DAB1: variants seen among roughly 807,000 people sequenced by gnomAD.
The protein encoded by DAB1 is disabled homolog 1.
A neutral mutation model predicts 64.6 loss-of-function variants in DAB1; 15 were observed. The ratio of observed to expected loss-of-function variants is 0.23; its 90% confidence interval spans 0.16 to 0.36. The LOEUF (loss-of-function observed/expected upper bound fraction) is 0.36, where lower values mean the gene tolerates loss of function less well. Among genes scored for constraint, DAB1 ranks in the 10% least tolerant of loss-of-function variants. DAB1 has a pLI of 1.00. For synonymous variants in DAB1, 235 were observed against 251.9 expected, an observed-to-expected ratio of 0.93 and a Z score of 0.64; for missense variants, 596 against 706.7, an observed-to-expected ratio of 0.84 and a Z score of 1.78.
In DAB1 at chr1:57,543,347, C is replaced by T. The variant is rs541963232; in HGVS notation, n.625+106245G>A. ...AACCCACTCCTTCCCCTATGTCATG[C>T]TGTTTCTGCAATTTTCCTGAGTGAT... On this transcript the variant is annotated intron_variant and non_coding_transcript_variant, in intron 7 of 20. Transcript: ENST00000485760. Among the ~76,000 whole-genome samples, 5 of 152,250 alleles carry T rather than the reference C, an allele frequency of 3.3e-5. No homozygotes were observed. In the South Asian group the frequency reaches 1.0e-3, roughly 32 times the overall value.
chr1:58,125,385 T>C (rs1652999943), intron 5 of DAB1, among the ~76,000 whole-genome samples: 1 of 152,108 alleles, frequency 6.6e-6, no homozygotes, highest in African/African-American at 2.4e-5. Context: ...TAGAGTACAA[T>C]CATAGTGCTA....
chr1:57,569,256 C>CAA lies in DAB1; in HGVS notation n.625+80334_625+80335dup, dbSNP rs3991203. The stretch of plus-strand genomic sequence containing the variant: ...CCTGGGCGACAGCGAGACTCCGTCT[C>CAA]AAAAAAAAAAAAAAAAAAGACACAT... On this transcript the variant is annotated intron_variant and non_coding_transcript_variant, in intron 7 of 20. Transcript: ENST00000485760. Among the ~76,000 whole-genome samples, 2 of 67,864 alleles carry CAA rather than the reference C, an allele frequency of 2.9e-5. 1 individual carries two copies. The highest frequency in any genetic ancestry group is 5.2e-5 in the Non-Finnish European group (2 of 38,484). The allele number at this position is 67,864 out of a possible 152,430, so 44.5% of individuals were successfully genotyped here.
rs74074396 is a variant in DAB1, at chr1:57,008,770, C to G, written c.*15+1910G>C. 8.2e-3 allele frequency among the ~76,000 whole-genome samples: 1,255 copies of G among 152,232 alleles called. 19 individuals carry two copies. Among genetic ancestry groups the G allele is most frequent in the African/African-American group, 0.029 (1,197 of 41,508 alleles). On this transcript the variant is annotated intron_variant, in intron 14 of 14. Coordinates refer to ENST00000371236, the MANE Select transcript of DAB1 (RefSeq NM_001365792.1). Reference sequence around the variant, plus strand: ...GCTAGATACTCAACATAAACTATCTCAGTTACCATTATGGAGAATATAAGC... The same window carrying G: ...GCTAGATACTCAACATAAACTATCTGAGTTACCATTATGGAGAATATAAGC...
At chr1:57,060,275 C>T (rs796201283) in intron 9 of DAB1, among the ~76,000 whole-genome samples, 17 of 151,996 alleles carry the variant, frequency 1.1e-4, no homozygotes, top group South Asian at 6.2e-4. Flanking sequence ...CTCAGCCTCC[C>T]GAGTAGCTGG....
intron 4 of DAB1, among the ~76,000 whole-genome samples, chr1:58,300,590 AAGAAAGAAAGAAAGAAAGAAAGAG>A (rs1662110336): frequency 6.6e-5 from 2 of 30,222 alleles, no homozygotes; most frequent in African/African-American, 9.6e-5. Context: ...GAAAGAAAGA[AAGAAAGAAAGAAAGAAAGAAAGAG>A]AGAGAGAGAG....
rs142488155 is a variant in DAB1 at position 58,468,929 on chromosome 1, C to T, written n.257+37131G>A. Reference sequence around the variant, plus strand: ...GATCTGAGTGGTACCCCTCCATGGCCGCTACACTGTATATGAGCAGAGATG... The same window carrying T: ...GATCTGAGTGGTACCCCTCCATGGCTGCTACACTGTATATGAGCAGAGATG... On this transcript the variant is annotated intron_variant and non_coding_transcript_variant, in intron 3 of 20. Coordinates refer to the DAB1 transcript ENST00000485760. The T allele has an allele frequency of 7.9e-3, 1,926 of 243,988 alleles. 21 individuals are homozygous for T. Among genetic ancestry groups the T allele is most frequent in the Non-Finnish European group, 0.01 (1,563 of 151,378 alleles). 15.1% of individuals were successfully genotyped at this position (243,988 alleles called of 1,614,324 possible).
chr1:57,652,762 T>C (rs2101657248), intron 6 of DAB1, among the ~76,000 whole-genome samples: 1 of 152,356 alleles, frequency 6.6e-6, no homozygotes, highest in South Asian at 2.1e-4. Flanking sequence ...TTTTGCATTC[T>C]CCATTTTATC....
intron 6 of DAB1, among the ~76,000 whole-genome samples, chr1:57,720,237 G>A (rs1647134302): frequency 1.3e-5 from 2 of 152,166 alleles, no homozygotes; most frequent in African/African-American, 4.8e-5. Flanking sequence ...TTTATTATCA[G>A]TCACACTCTC....
rs566018993 is a variant in DAB1, at chr1:57,143,003, C to A, written c.207+2287G>T. Among the ~76,000 whole-genome samples, 3 of 152,340 alleles carry A rather than the reference C, an allele frequency of 2.0e-5. No homozygotes were observed. In the East Asian group the frequency reaches 5.8e-4, roughly 29 times the overall value. The stretch of plus-strand genomic sequence containing the variant: ...TCAAGATCTTGGCCCTTATCCCCAT[C>A]TTTGACTAGGGTCCGCTTGGGATGG... On this transcript the variant is annotated intron_variant, in intron 3 of 14. Transcript: ENST00000371236.
At chr1:57,499,037 G>A (rs919384422) in intron 7 of DAB1, among the ~76,000 whole-genome samples, 6 of 152,218 alleles carry the variant, frequency 3.9e-5, no homozygotes, top group Admixed American at 6.5e-5. Context: ...GTGCAGTGGC[G>A]TGATCTCAGC....
chr1:57,775,293 T>G (rs1258847741), intron 6 of DAB1, among the ~76,000 whole-genome samples: 2 of 151,602 alleles, frequency 1.3e-5, no homozygotes, highest in East Asian at 3.9e-4. Flanking sequence ...TTATTATTAT[T>G]TTTTCTTTCA....
chr1:57,541,244 T>C (rs1644799872), intron 7 of DAB1, among the ~76,000 whole-genome samples: 1 of 151,776 alleles, frequency 6.6e-6, no homozygotes, highest in Non-Finnish European at 1.5e-5. Context: ...TTCTCCTGCC[T>C]CAGCCTCCCG....
intron 9 of DAB1, among the ~76,000 whole-genome samples, chr1:57,038,600 A>T (rs2100463648): frequency 6.6e-6 from 1 of 152,270 alleles, no homozygotes; most frequent in Admixed American, 6.5e-5. Flanking sequence ...AGCAGCTAAT[A>T]GTCCTCCTTC....
At chr1:57,884,187 T>C (rs1644188924), upstream of DAB1, 1 of 152,260 alleles carries the variant, frequency 6.6e-6, no homozygotes. Context: ...CGATGTCAAT[T>C]TTGAAGGCAA....
chr1:57,387,499 C>T (rs933744060), intron 1 of DAB1: 17 of 152,132 alleles, frequency 1.1e-4, no homozygotes, highest in African/African-American at 4.1e-4. Context: ...CACACACACG[C>T]TCCTCTTCTA....
rs916221940 is a variant in DAB1 at position 57,754,401 on chromosome 1, C to T, written n.552-104736G>A. Among the ~76,000 whole-genome samples the T allele has an allele frequency of 5.4e-4, 82 of 152,156 alleles. 1 individual carries two copies. The highest frequency in any genetic ancestry group is 1.8e-3 in the African/African-American group (75 of 41,518). ...AATTTTGTAGATTAAACAATTGAGA[C>T]TCGGCTGGGCACGGTGGCTCATGCT... On this transcript the variant is annotated intron_variant and non_coding_transcript_variant, in intron 6 of 20. Transcript: ENST00000485760.
chr1:57,477,963 T>G (rs1326836817), intron 7 of DAB1, among the ~76,000 whole-genome samples: 2 of 152,064 alleles, frequency 1.3e-5, no homozygotes, highest in Non-Finnish European at 2.9e-5. Flanking sequence ...GCAGGTTTGT[T>G]ACATATGTAT....
intron 5 of DAB1, among the ~76,000 whole-genome samples, chr1:58,109,073 A>G (rs1651828508): frequency 6.6e-6 from 1 of 152,228 alleles, no homozygotes; most frequent in Admixed American, 6.5e-5. Context: ...AATGTTATTA[A>G]AAAACAAGGT....
chr1:57,553,440 AAGAG>A (rs201313221), intron 7 of DAB1, among the ~76,000 whole-genome samples: 1 of 6,784 alleles, frequency 1.5e-4, no homozygotes, highest in African/African-American at 2.1e-4. Context: ...GAAAGAAAGA[AAGAG>A]AAAGAAAGAA....
Sources: gnomAD v4.1 joint callset for allele counts (sites outside exome capture counted in the v4.1 genomes callset) on GRCh38, gnomAD v4.1.1 for gene constraint, MANE v1.5 for transcripts, NCBI Gene and HGNC (gene_info 2026-07-23, HGNC 2026-07-21) for gene names.